Variants in TPH2 observed in about 807,000 individuals in gnomAD.
TPH2 encodes the protein tryptophan 5-hydroxylase 2.
In TPH2, 27 loss-of-function variants were observed where a neutral mutation model predicts 59.1. The observed-to-expected ratio is 0.46, with a 90% CI of 0.34 to 0.63. The LOEUF (loss-of-function observed/expected upper bound fraction) is 0.63. Ranked by LOEUF, TPH2 falls within the 30% of genes least tolerant of loss-of-function variation. The pLI, the probability that TPH2 is intolerant of heterozygous loss-of-function variation, is 0.01. For missense variants in TPH2, 523 were observed against 588.3 expected (o/e 0.89, Z 1.15); for synonymous variants, 220 against 210.5 (o/e 1.05, Z -0.39).
chr12:71,944,200 A>T, intron 2 of TPH2, 94 bp from the exon 3 acceptor site: 1 of 1,282,504 alleles, frequency 7.8e-7, no homozygotes, highest in Non-Finnish European at 1.1e-6. Flanking sequence ...TTGTGTGGGT[A>T]CTTGGCACCT....
intron 8 of TPH2, among the ~76,000 whole-genome samples, chr12:71,997,183 C>T (rs73144484): frequency 0.025 from 3,730 of 152,230 alleles, 67 homozygotes; most frequent in Non-Finnish European, 0.037. Flanking sequence ...AAGCCAGCAA[C>T]GCTGCATCTC....
At position 71,974,246 on chromosome 12, in the gene TPH2, C is replaced by T. The variant is rs535208195; in HGVS notation, c.805+1531C>T. 6.6e-5 allele frequency among the ~76,000 whole-genome samples: 10 copies of T among 152,272 alleles called. No individual in the cohort carries two copies. In the East Asian group the frequency reaches 1.9e-3, roughly 29 times the overall value. ...TTATCCCCCAATCCCATACTCAGTC[C>T]TTCTTTGTGTTAGTGTCCAATTATA... is the stretch of plus-strand genomic sequence containing the variant. On this transcript the variant is annotated intron_variant, in intron 6 of 10. Coordinates refer to ENST00000333850, the MANE Select transcript of TPH2 (RefSeq NM_173353.4).
intron 7 of TPH2, among the ~76,000 whole-genome samples, chr12:71,981,760 T>G (rs904642838): frequency 2.0e-5 from 3 of 151,904 alleles, no homozygotes; most frequent in Non-Finnish European, 4.4e-5. Context: ...GATTTGGGTT[T>G]GGGGTATTTT....
intron 8 of TPH2, among the ~76,000 whole-genome samples, chr12:72,005,364 TTTCCTC>T (rs1366850883): frequency 2.7e-5 from 4 of 148,546 alleles, no homozygotes; most frequent in African/African-American, 9.9e-5. Flanking sequence ...AAAAACCTCT[TTTCCTC>T]TTTCTTATTA....
chr12:71,962,112 C>A (rs544941069), intron 5 of TPH2: 74 of 992,604 alleles, frequency 7.5e-5, no homozygotes, highest in East Asian at 1.1e-4. Flanking sequence ...TACTCTATGG[C>A]GTGGCTTAGC....
At chr12:71,996,410 T>C (rs995726721) in intron 8 of TPH2, among the ~76,000 whole-genome samples, 4 of 152,248 alleles carry the variant, frequency 2.6e-5, no homozygotes, top group African/African-American at 9.6e-5. Flanking sequence ...AGAAAAAGGA[T>C]TGTCAAAGTA....
intron 8 of TPH2, among the ~76,000 whole-genome samples, chr12:71,996,201 G>T (rs535256610): frequency 6.6e-6 from 1 of 152,182 alleles, no homozygotes; most frequent in East Asian, 1.9e-4. Flanking sequence ...GTTCCTCACC[G>T]TGTGGGCCTC....
Position 71,939,099 on chromosome 12 carries a change from C to G in TPH2, c.105+8C>G. On this transcript the variant is annotated splice_region_variant and intron_variant, in intron 1 of 10. Transcript: ENST00000333850. ...CTACTTGGCAGCTCAACAGTGAGTA[C>G]TACGTACCTGGCACTATGGAGAATT... 6.2e-7 allele frequency: 1 copy of G among 1,603,602 alleles called. No individual in the cohort carries two copies.
At chr12:72,031,046 A>G (rs1453939071) in intron 9 of TPH2, among the ~76,000 whole-genome samples, 2 of 152,156 alleles carry the variant, frequency 1.3e-5, no homozygotes, top group African/African-American at 4.8e-5. Flanking sequence ...AGTACCTAGC[A>G]TACTTAAAAA....
chr12:72,002,010 A>G (rs1872835729), intron 8 of TPH2, among the ~76,000 whole-genome samples: 1 of 152,208 alleles, frequency 6.6e-6, no homozygotes, highest in Non-Finnish European at 1.5e-5. Context: ...GACTATAGTC[A>G]ATAATAATGT....
chr12:72,023,466 T>C (rs1322128853), intron 9 of TPH2, among the ~76,000 whole-genome samples: 1 of 152,138 alleles, frequency 6.6e-6, no homozygotes, highest in East Asian at 1.9e-4. Flanking sequence ...CCTCAAACAT[T>C]TGGTTGAACA....
chr12:72,019,618 A>T (rs116396013), intron 8 of TPH2, among the ~76,000 whole-genome samples: 3,188 of 152,310 alleles, frequency 0.021, 130 homozygotes, highest in African/African-American at 0.073. Flanking sequence ...TGGTTTTGTT[A>T]TACATAGAAT....
chr12:71,989,449 GC>G (rs781399262), intron 7 of TPH2, among the ~76,000 whole-genome samples: 139 of 152,304 alleles, frequency 9.1e-4, no homozygotes, highest in Middle Eastern at 3.4e-3. Context: ...TCATCCTCCT[GC>G]TTCCTTTTAT....
intron 9 of TPH2, among the ~76,000 whole-genome samples, chr12:72,024,701 G>A (rs967050142): frequency 2.6e-5 from 4 of 152,200 alleles, no homozygotes; most frequent in Admixed American, 6.5e-5. Context: ...CTTTCCACAG[G>A]ATCTTCTGGT....
chr12:71,972,936 G>A (rs935098459), intron 6 of TPH2, among the ~76,000 whole-genome samples: 1 of 152,198 alleles, frequency 6.6e-6, no homozygotes, highest in African/African-American at 2.4e-5. Context: ...TTTGTGGCTG[G>A]TTGTTGTAAA....
chr12:72,022,748 A>G (rs947576367), intron 9 of TPH2, among the ~76,000 whole-genome samples: 2 of 152,232 alleles, frequency 1.3e-5, no homozygotes, highest in African/African-American at 4.8e-5. Context: ...TGACAAATGT[A>G]TGCCCAAATC....
chr12:71,947,437 G>T (rs1294377564), intron 4 of TPH2, among the ~76,000 whole-genome samples: 1 of 150,750 alleles, frequency 6.6e-6, no homozygotes, highest in Non-Finnish European at 1.5e-5. Context: ...GTACTCTCTG[G>T]CTGCTAGGGT....
chr12:72,022,934 T>C (rs1873462770), intron 9 of TPH2, among the ~76,000 whole-genome samples: 2 of 152,240 alleles, frequency 1.3e-5, no homozygotes, highest in African/African-American at 2.4e-5. Context: ...TTGATGTTGT[T>C]TCAGCTTCTT....
chr12:71,943,523 G>C (rs1409474679), intron 2 of TPH2, among the ~76,000 whole-genome samples: 1 of 152,158 alleles, frequency 6.6e-6, no homozygotes, highest in Non-Finnish European at 1.5e-5. Context: ...TAGAGTGATA[G>C]TTGCAGCAAC....
Sources: allele counts gnomAD v4.1 joint callset (sites outside exome capture counted in the v4.1 genomes callset), GRCh38; gene constraint gnomAD v4.1.1; transcripts MANE v1.5; gene names NCBI Gene and HGNC (gene_info 2026-07-23, HGNC 2026-07-21).